ERBB4: variants seen among roughly 807,000 people sequenced by gnomAD.
The protein encoded by ERBB4 is erb-b2 receptor tyrosine kinase 4, also known as receptor tyrosine-protein kinase erbB-4.
ERBB4 carries 42 observed loss-of-function variants against 158.0 expected under a neutral mutation model. The ratio of observed to expected loss-of-function variants is 0.27; its 90% CI spans 0.21 to 0.34. ERBB4 has a LOEUF of 0.34. ERBB4 is among the 10% of genes least tolerant of loss of function. The pLI is 1.00. For synonymous variants in ERBB4, 583 were observed against 558.7 expected (o/e 1.04, Z -0.61); for missense variants, 1,333 against 1,624.1 (o/e 0.82, Z 3.08).
intron 1 of ERBB4, among the ~76,000 whole-genome samples, chr2:212,313,293 T>C (rs1687998376): frequency 6.6e-6 from 1 of 150,846 alleles, no homozygotes; most frequent in South Asian, 2.1e-4. Flanking sequence ...TCAAATAAGG[T>C]AAATAAAAGA....
intron 20 of ERBB4, among the ~76,000 whole-genome samples, chr2:211,500,352 C>CT: frequency 6.6e-6 from 1 of 151,988 alleles, no homozygotes; most frequent in Non-Finnish European, 1.5e-5. Context: ...TAGGAGAGCT[C>CT]TAGGTAATAG....
chr2:211,749,542 C>A (rs1368590623), intron 5 of ERBB4, among the ~76,000 whole-genome samples: 1 of 152,104 alleles, frequency 6.6e-6, no homozygotes, highest in African/African-American at 2.4e-5. Flanking sequence ...ACCTTATAAT[C>A]TTTTCCATTT....
intron 20 of ERBB4, among the ~76,000 whole-genome samples, chr2:211,470,285 G>C (rs1574552448): frequency 1.3e-5 from 2 of 152,074 alleles, no homozygotes; most frequent in Non-Finnish European, 2.9e-5. Context: ...TTCTTAAAAA[G>C]AAAAGGACAA....
chr2:211,780,338 G>C lies in ERBB4; in HGVS notation c.556+7687C>G, dbSNP rs180788182. 3.3e-5 allele frequency among the ~76,000 whole-genome samples: 5 copies of C among 152,172 alleles called. No individual in the cohort carries two copies. The East Asian group carries it at 9.7e-4, about 29-fold the overall frequency. On this transcript the variant is annotated intron_variant, in intron 4 of 27. Coordinates refer to ENST00000342788, the MANE Select transcript of ERBB4 (RefSeq NM_005235.3). ...GTGATTGCACCACTGCACTCCAACT[G>C]GGTGACAGAGCAAGACCCAGTCTAA...
chr2:211,648,683 A>G (rs2070870201), intron 16 of ERBB4, among the ~76,000 whole-genome samples: 1 of 151,828 alleles, frequency 6.6e-6, no homozygotes, highest in South Asian at 2.1e-4. Flanking sequence ...GAGCCAGATG[A>G]TACACAATCT....
Position 211,604,756 on chromosome 2 carries a change from G to A in ERBB4, c.2301+14421C>T, listed in dbSNP as rs536557002. On this transcript the variant is annotated intron_variant, in intron 19 of 27. Transcript: ENST00000342788. Reference sequence around the variant, plus strand: ...CGACTGTTAACTTTGAACCAGCACTGCCTTGTTTTGAATGCATTTCACTTA... The same window carrying A: ...CGACTGTTAACTTTGAACCAGCACTACCTTGTTTTGAATGCATTTCACTTA... Among the ~76,000 whole-genome samples the A allele has an allele frequency of 5.5e-4, 84 of 152,220 alleles. 1 individual carries two copies. The South Asian group carries it at 0.017, about 32-fold the overall frequency.
At chr2:212,503,569 G>A (rs939037406) in intron 1 of ERBB4, among the ~76,000 whole-genome samples, 6 of 152,098 alleles carry the variant, frequency 3.9e-5, no homozygotes, top group East Asian at 1.9e-4. Flanking sequence ...TAAAGGAATC[G>A]TTTACTTGAT....
At chr2:211,926,052 A>G (rs999741708) in intron 3 of ERBB4, among the ~76,000 whole-genome samples, 1 of 152,136 alleles carries the variant, frequency 6.6e-6, no homozygotes, top group Non-Finnish European at 1.5e-5. Context: ...GGAAAAGACA[A>G]AAAACAGCTG....
intron 25 of ERBB4, among the ~76,000 whole-genome samples, chr2:211,415,765 C>G (rs1365825946): frequency 1.3e-5 from 2 of 152,148 alleles, no homozygotes; most frequent in Non-Finnish European, 2.9e-5. Context: ...AGAAATTGAT[C>G]AAATTTTTGA....
intron 3 of ERBB4, among the ~76,000 whole-genome samples, chr2:211,848,222 G>T (rs1356950670): frequency 1.3e-5 from 2 of 152,094 alleles, no homozygotes; most frequent in African/African-American, 4.8e-5. Flanking sequence ...GCTAAAGTGG[G>T]TCCATTTCTG....
chr2:211,791,268 T>A (rs796690014), intron 3 of ERBB4, among the ~76,000 whole-genome samples: 1 of 151,958 alleles, frequency 6.6e-6, no homozygotes, highest in Admixed American at 6.6e-5. Flanking sequence ...TAGATGTTTA[T>A]CTAATAAGAG....
intron 1 of ERBB4, among the ~76,000 whole-genome samples, chr2:212,474,822 C>CATTTTTTTTTTTTTTTTTT (rs1689295723): frequency 1.1e-5 from 1 of 94,412 alleles, no homozygotes; most frequent in Non-Finnish European, 1.9e-5. Context: ...CCCGGCCATT[C>CATTTTTTTTTTTTTTTTTT]TTTTTTTTTT....
intron 13 of ERBB4, among the ~76,000 whole-genome samples, chr2:211,676,742 CATAT>C (rs2072090809): frequency 6.6e-6 from 1 of 152,088 alleles, no homozygotes; most frequent in Admixed American, 6.5e-5. Flanking sequence ...TAGTATTGCA[CATAT>C]ATATTCAATA....
intron 20 of ERBB4, among the ~76,000 whole-genome samples, chr2:211,455,690 C>T (rs1205728118): frequency 6.6e-6 from 1 of 152,120 alleles, no homozygotes; most frequent in Non-Finnish European, 1.5e-5. Flanking sequence ...GCCTGTTTTT[C>T]ACTATTTGAA....
chr2:212,487,623 G>C (rs561752413), intron 1 of ERBB4, among the ~76,000 whole-genome samples: 2 of 150,930 alleles, frequency 1.3e-5, no homozygotes, highest in South Asian at 2.1e-4. Flanking sequence ...AATATTCCAA[G>C]AACTAGGAAT....
intron 2 of ERBB4, among the ~76,000 whole-genome samples, chr2:212,096,699 T>C (rs971358318): frequency 6.6e-6 from 1 of 152,210 alleles, no homozygotes; most frequent in Non-Finnish European, 1.5e-5. Context: ...GCAAAATAAA[T>C]ATCTAGCTTA....
chr2:211,986,849 T>C (rs1283669734), intron 2 of ERBB4, among the ~76,000 whole-genome samples: 2 of 152,160 alleles, frequency 1.3e-5, no homozygotes, highest in Non-Finnish European at 2.9e-5. Context: ...TGACTCTGGG[T>C]GAAGTAAAGT....
At chr2:211,434,438 A>G (rs2125439246) in intron 20 of ERBB4, among the ~76,000 whole-genome samples, 1 of 152,318 alleles carries the variant, frequency 6.6e-6, no homozygotes, top group South Asian at 2.1e-4. Context: ...ATGTGAGGTT[A>G]TAGGAGCTAT....
In ERBB4 at chr2:212,373,879, A is replaced by G. The variant is rs1365186194; in HGVS notation, c.82+164570T>C. ...TGTATATATCCATATATATATATCC[A>G]TGTATATATCCATATATATATATCC... On this transcript the variant is annotated intron_variant, in intron 1 of 27. Transcript: ENST00000342788. Among the ~76,000 whole-genome samples the G allele has an allele frequency of 1.5e-5, 2 of 136,238 alleles. 1 individual carries two copies. The highest frequency in any genetic ancestry group is 3.1e-5 in the Non-Finnish European group (2 of 63,656). 89.4% of individuals were successfully genotyped at this position (136,238 alleles called of 152,430 possible).
Sources: gnomAD v4.1 joint callset for allele counts (sites outside exome capture counted in the v4.1 genomes callset) on GRCh38, gnomAD v4.1.1 for gene constraint, MANE v1.5 for transcripts, NCBI Gene and HGNC (gene_info 2026-07-23, HGNC 2026-07-21) for gene names.